ZPLD1: variants seen among roughly 807,000 people sequenced by gnomAD.
ZPLD1 encodes zona pellucida-like domain-containing protein 1.
ZPLD1 carries 34 observed loss-of-function variants against 47.2 expected under a neutral mutation model. That is an observed-to-expected ratio of 0.72 (90% CI 0.55 to 0.96). The LOEUF (loss-of-function observed/expected upper bound fraction) is 0.96. Among genes scored for constraint, ZPLD1 ranks in the 40% least tolerant of loss-of-function variants. The pLI, the probability that ZPLD1 is intolerant of heterozygous loss-of-function variation, is 0.00. For synonymous variants in ZPLD1, 176 were observed against 186.2 expected (o/e 0.95, Z 0.45); for missense variants, 512 against 505.8 (o/e 1.01, Z -0.12).
At chr3:102,437,888 C>T (rs1476155846) in intron 2 of ZPLD1, among the ~76,000 whole-genome samples, 2 of 152,220 alleles carry the variant, frequency 1.3e-5, no homozygotes, top group African/African-American at 4.8e-5. Context: ...TCCTGTTCTT[C>T]CTTTTGCTTT....
intron 3 of ZPLD1, among the ~76,000 whole-genome samples, chr3:102,441,685 G>T (rs1707179671): frequency 6.6e-6 from 1 of 152,030 alleles, no homozygotes; most frequent in African/African-American, 2.4e-5. Flanking sequence ...ATCAGTAAGA[G>T]ATTACAAAAA....
intron 6 of ZPLD1, among the ~76,000 whole-genome samples, chr3:102,390,599 A>G (rs1018174631): frequency 6.6e-6 from 1 of 152,210 alleles, no homozygotes; most frequent in Non-Finnish European, 1.5e-5. Flanking sequence ...CCTCTACAGA[A>G]CAGAGAAAAT....
rs200052497 is a variant in ZPLD1 at position 102,462,366 on chromosome 3, A to G, written c.668A>G (p.Asn223Ser). 7.5e-6 allele frequency: 12 copies of G among 1,607,588 alleles called. No homozygotes were observed. Among genetic ancestry groups the G allele is most frequent in the Non-Finnish European group, 8.5e-7 (1 of 1,176,956 alleles). The part of the protein sequence containing the change: ...TKVFAAVQAT[N>S]LDGRWNVLMD... ...GTATTTGCAGCTGTCCAAGCCACTA[A>G]TTTGGATGGCAGGTAATTTCAAACT... Residue 223 changes from asparagine (N) to serine (S), a missense_variant, in exon 7 of 12, where the codon AAT becomes AGT. Asn to Ser is a conservative substitution (Grantham distance 46). Transcript: ENST00000466937.
chr3:102,476,944 T>A, intron 10 of ZPLD1, 68 bp from the exon 11 acceptor site: 5 of 1,532,730 alleles, frequency 3.3e-6, no homozygotes, highest in Non-Finnish European at 3.6e-6. Flanking sequence ...TAATTATTAA[T>A]CAGAATAAAC....
chr3:102,457,342 T>G (rs1408100245), intron 5 of ZPLD1, among the ~76,000 whole-genome samples: 1 of 152,174 alleles, frequency 6.6e-6, no homozygotes, highest in African/African-American at 2.4e-5. Flanking sequence ...AACACATTCT[T>G]GAGTTTCAAT....
intron 8 of ZPLD1, among the ~76,000 whole-genome samples, chr3:102,426,958 G>T (rs2107310999): frequency 1.3e-5 from 2 of 152,282 alleles, no homozygotes; most frequent in South Asian, 4.1e-4. Flanking sequence ...TCAGCCACTT[G>T]ACATCAATTT....
At chr3:102,477,339 T>C (rs1707773113) in intron 11 of ZPLD1, 104 bp from the exon 12 acceptor site, 7 of 1,170,556 alleles carry the variant, frequency 6.0e-6, no homozygotes, top group Non-Finnish European at 8.6e-6. Flanking sequence ...CATGCTGCTA[T>C]TCTATGAGAT....
At chr3:102,467,258 C>G (rs1264905601) in intron 8 of ZPLD1, among the ~76,000 whole-genome samples, 1 of 151,818 alleles carries the variant, frequency 6.6e-6, no homozygotes, top group Non-Finnish European at 1.5e-5. Flanking sequence ...AAAATATGAA[C>G]CAATGTTTTG....
intron 4 of ZPLD1, among the ~76,000 whole-genome samples, chr3:102,453,513 G>T (rs528126351): frequency 6.6e-6 from 1 of 152,246 alleles, no homozygotes; most frequent in African/African-American, 2.4e-5. Flanking sequence ...TGAACCGCTT[G>T]GCCTGTTCTT....
At chr3:102,476,599 C>T (rs1011982626) in intron 10 of ZPLD1, among the ~76,000 whole-genome samples, 2 of 151,856 alleles carry the variant, frequency 1.3e-5, no homozygotes, top group South Asian at 2.1e-4. Flanking sequence ...ATGAATATTC[C>T]GTATAACAGA....
chr3:102,444,764 T>C (rs960003100), intron 3 of ZPLD1, among the ~76,000 whole-genome samples: 5 of 152,242 alleles, frequency 3.3e-5, no homozygotes, highest in African/African-American at 1.2e-4. Context: ...CAGAAAAGTT[T>C]TCTCCCACTA....
chr3:102,450,267 A>G (rs191588802), intron 3 of ZPLD1, among the ~76,000 whole-genome samples: 16 of 152,350 alleles, frequency 1.1e-4, no homozygotes, highest in Admixed American at 9.8e-4. Context: ...TAATTTACAT[A>G]TAATAAGATG....
intron 10 of ZPLD1, among the ~76,000 whole-genome samples, chr3:102,470,976 A>G (rs1186838389): frequency 3.9e-5 from 6 of 151,914 alleles, no homozygotes; most frequent in Admixed American, 2.6e-4. Context: ...ATGGGGTTTC[A>G]CCATGTTGCT....
intron 10 of ZPLD1, among the ~76,000 whole-genome samples, chr3:102,473,354 GC>G (rs1252310012): frequency 6.6e-6 from 1 of 152,092 alleles, no homozygotes; most frequent in Non-Finnish European, 1.5e-5. Flanking sequence ...ACATCCAGTT[GC>G]CCAAAATATC....
At chr3:102,395,976 G>T (rs982333502) in intron 7 of ZPLD1, among the ~76,000 whole-genome samples, 32 of 152,242 alleles carry the variant, frequency 2.1e-4, no homozygotes, top group African/African-American at 7.7e-4. Flanking sequence ...TTTTAATAAT[G>T]CATGTTCATG....
intron 5 of ZPLD1, among the ~76,000 whole-genome samples, chr3:102,456,608 T>C (rs1398631500): frequency 6.6e-6 from 1 of 151,972 alleles, no homozygotes; most frequent in Non-Finnish European, 1.5e-5. Flanking sequence ...ATTGTTATGA[T>C]CCATAACAGA....
intron 6 of ZPLD1, among the ~76,000 whole-genome samples, chr3:102,386,745 A>C (rs983781347): frequency 6.6e-6 from 1 of 152,178 alleles, no homozygotes. Context: ...ATTTATTATT[A>C]CATTTTGGTA....
intron 8 of ZPLD1, among the ~76,000 whole-genome samples, chr3:102,426,134 A>ACATG (rs1706944186): frequency 1.2e-5 from 1 of 85,100 alleles, no homozygotes; most frequent in African/African-American, 8.0e-5. Flanking sequence ...ACACACATGC[A>ACATG]CACACACACA....
intron 2 of ZPLD1, 147 bp from the exon 3 acceptor site, chr3:102,438,333 G>T: frequency 1.7e-6 from 1 of 572,884 alleles, no homozygotes; most frequent in Non-Finnish European, 3.2e-6. Flanking sequence ...CTTTACTACC[G>T]ATAATCCTCA....
Sources: allele counts gnomAD v4.1 joint callset (sites outside exome capture counted in the v4.1 genomes callset), GRCh38; gene constraint gnomAD v4.1.1; transcripts MANE v1.5; gene names NCBI Gene and HGNC (gene_info 2026-07-23, HGNC 2026-07-21).